The following OTUD7A variants were observed in gnomAD, a reference collection of about 807,000 sequenced individuals.
OTUD7A encodes OTU deubiquitinase 7A, also known as OTU domain-containing protein 7A.
Under a neutral mutation model 65.7 loss-of-function variants are expected in OTUD7A, and 12 were observed. The observed-to-expected ratio is 0.18, with a 90% confidence interval of 0.12 to 0.30. The LOEUF is 0.30. OTUD7A is among the 10% of genes least tolerant of loss of function. OTUD7A has a pLI of 1.00. For synonymous variants in OTUD7A, 641 were observed against 586.3 expected, an observed-to-expected ratio of 1.09 and a Z score of -1.35; for missense variants, 1,148 against 1,304.8, an observed-to-expected ratio of 0.88 and a Z score of 1.85.
intron 1 of OTUD7A, among the ~76,000 whole-genome samples, chr15:31,772,553 T>A (rs894420559): frequency 6.6e-6 from 1 of 152,202 alleles, no homozygotes; most frequent in African/African-American, 2.4e-5. Context: ...CTTAGGTAGC[T>A]TGGTAAAATC....
intron 4 of OTUD7A, among the ~76,000 whole-genome samples, chr15:31,562,876 G>A (rs759240792): frequency 2.0e-5 from 3 of 151,858 alleles, no homozygotes; most frequent in Non-Finnish European, 4.4e-5. Flanking sequence ...TGGGCTCACA[G>A]GTCTTTTTCT....
chr15:31,829,872 C>G (rs1292258493), intron 1 of OTUD7A, among the ~76,000 whole-genome samples: 1 of 152,232 alleles, frequency 6.6e-6, no homozygotes, highest in Admixed American at 6.5e-5. Context: ...CACTTCCAAA[C>G]AAGCCTCAAA....
intron 4 of OTUD7A, among the ~76,000 whole-genome samples, chr15:31,561,784 T>TCACACG (rs1555396643): frequency 2.0e-5 from 3 of 150,424 alleles, no homozygotes; most frequent in African/African-American, 7.3e-5. Flanking sequence ...ACACACAGAG[T>TCACACG]CACACACACA....
At chr15:31,741,737 C>T (rs1461274272) in intron 1 of OTUD7A, among the ~76,000 whole-genome samples, 1 of 151,328 alleles carries the variant, frequency 6.6e-6, no homozygotes, top group Admixed American at 6.6e-5. Flanking sequence ...TAAAAAATAC[C>T]AAAAATTTAG....
At chr15:31,817,377 G>C (rs889278260) in intron 1 of OTUD7A, among the ~76,000 whole-genome samples, 28 of 151,822 alleles carry the variant, frequency 1.8e-4, no homozygotes, top group Admixed American at 6.6e-4. Context: ...TCTAAGGAAG[G>C]AGATGCCCTT....
chr15:31,486,051 G>A (rs769010942), intron 12 of OTUD7A, among the ~76,000 whole-genome samples: 1 of 152,188 alleles, frequency 6.6e-6, no homozygotes, highest in Non-Finnish European at 1.5e-5. Context: ...CTGAGAGCGG[G>A]CTCAGGAGTC....
At chr15:31,646,039 TG>T (rs1201903364) in intron 3 of OTUD7A, among the ~76,000 whole-genome samples, 1 of 152,212 alleles carries the variant, frequency 6.6e-6, no homozygotes, top group African/African-American at 2.4e-5. Flanking sequence ...TAGTTTAAAT[TG>T]ATTTCAGTTC....
At chr15:31,825,142 C>A (rs191625769) in intron 1 of OTUD7A, among the ~76,000 whole-genome samples, 89 of 152,326 alleles carry the variant, frequency 5.8e-4, no homozygotes, top group Non-Finnish European at 1.0e-3. Flanking sequence ...CCATGGAAAT[C>A]GAGAAATTCA....
chr15:31,575,530 G>C (rs1271514061), intron 3 of OTUD7A, among the ~76,000 whole-genome samples: 4 of 152,130 alleles, frequency 2.6e-5, no homozygotes, highest in Non-Finnish European at 5.9e-5. Context: ...CCAAATCCTA[G>C]AGGTCATAAC....
chr15:31,515,212 C>T (rs1235494712), intron 8 of OTUD7A, among the ~76,000 whole-genome samples: 2 of 152,138 alleles, frequency 1.3e-5, no homozygotes, highest in Non-Finnish European at 2.9e-5. Context: ...AAGAGAGGAG[C>T]TGCTCTTGAG....
At chr15:31,807,606 G>A (rs138003593) in intron 1 of OTUD7A, among the ~76,000 whole-genome samples, 7 of 152,080 alleles carry the variant, frequency 4.6e-5, no homozygotes, top group South Asian at 2.1e-4. Context: ...AGTGCCTGTC[G>A]TGGATTTGGT....
intron 3 of OTUD7A, among the ~76,000 whole-genome samples, chr15:31,617,058 C>G (rs1029873915): frequency 1.3e-5 from 2 of 152,058 alleles, no homozygotes; most frequent in Non-Finnish European, 2.9e-5. Flanking sequence ...AAAGAACTCA[C>G]AAATGCTGAG....
chr15:31,618,927 A>C (rs1476787552), intron 3 of OTUD7A, among the ~76,000 whole-genome samples: 1 of 152,178 alleles, frequency 6.6e-6, no homozygotes, highest in Non-Finnish European at 1.5e-5. Context: ...TTAAGTCTTT[A>C]ATCCATCTTG....
intron 1 of OTUD7A, among the ~76,000 whole-genome samples, chr15:31,670,921 G>C (rs1458236235): frequency 1.3e-5 from 2 of 152,082 alleles, no homozygotes; most frequent in Non-Finnish European, 2.9e-5. Context: ...CATGAACCCG[G>C]GAGGCGGAGC....
intron 3 of OTUD7A, among the ~76,000 whole-genome samples, chr15:31,596,899 A>T (rs572390810): frequency 5.7e-4 from 87 of 152,152 alleles, no homozygotes; most frequent in Non-Finnish European, 1.1e-3. Context: ...TATGAATATT[A>T]TTTCCCAGTT....
chr15:31,559,327 T>G, intron 4 of OTUD7A, 140 bp from the exon 5 acceptor site: 1 of 771,764 alleles, frequency 1.3e-6, no homozygotes, highest in Non-Finnish European at 2.1e-6. Context: ...CACATGCACA[T>G]ACCACACAAC....
At chr15:31,614,555 A>G (rs1449603975) in intron 3 of OTUD7A, among the ~76,000 whole-genome samples, 1 of 152,204 alleles carries the variant, frequency 6.6e-6, no homozygotes, top group Non-Finnish European at 1.5e-5. Flanking sequence ...GAGTTCAAAA[A>G]TAAGTAAATA....
At chr15:31,665,434 GGTTGA>G (rs1276269408) in intron 1 of OTUD7A, among the ~76,000 whole-genome samples, 4 of 152,222 alleles carry the variant, frequency 2.6e-5, no homozygotes, top group African/African-American at 4.8e-5. Context: ...TTATAAAAAC[GGTTGA>G]GTTATTGATT....
intron 3 of OTUD7A, among the ~76,000 whole-genome samples, chr15:31,614,508 GAAAT>G (rs1325628911): frequency 6.6e-6 from 1 of 151,968 alleles, no homozygotes; most frequent in Non-Finnish European, 1.5e-5. Flanking sequence ...CTTTTAAATG[GAAAT>G]AATAAAGGCC....
Sources: gnomAD v4.1 joint callset for allele counts (sites outside exome capture counted in the v4.1 genomes callset) on GRCh38, gnomAD v4.1.1 for gene constraint, MANE v1.5 for transcripts, NCBI Gene and HGNC (gene_info 2026-07-23, HGNC 2026-07-21) for gene names.